Variants in RGL3 observed in about 807,000 individuals in gnomAD.
The protein encoded by RGL3 is ral guanine nucleotide dissociation stimulator-like 3.
In RGL3, 85 loss-of-function variants were observed where a neutral mutation model predicts 90.6. That is an observed-to-expected ratio of 0.94 (90% CI 0.79 to 1.12). The LOEUF is 1.12. Ranked by LOEUF, RGL3 falls within the 50% of genes most tolerant of loss-of-function variation. The pLI is 0.00. For synonymous variants in RGL3, 408 were observed against 385.5 expected (o/e 1.06, Z -0.68); for missense variants, 1,034 against 939.2 (o/e 1.10, Z -1.32).
intron 5 of RGL3, among the ~76,000 whole-genome samples, chr19:11,414,419 TTA>T (rs1193477016): frequency 1.4e-4 from 13 of 92,642 alleles, no homozygotes; most frequent in African/African-American, 4.2e-4. Context: ...ATATATACCT[TTA>T]TATATATATA....
At chr19:11,409,408 G>A (rs1005749966) in intron 5 of RGL3, among the ~76,000 whole-genome samples, 1 of 152,098 alleles carries the variant, frequency 6.6e-6, no homozygotes, top group East Asian at 1.9e-4. Flanking sequence ...GTGAACCGGC[G>A]AGGCGGAGCT....
intron 5 of RGL3, among the ~76,000 whole-genome samples, chr19:11,407,976 C>A (rs1968811311): frequency 6.6e-6 from 1 of 151,766 alleles, no homozygotes; most frequent in African/African-American, 2.4e-5. Context: ...GTAAGCTGTG[C>A]CTTCTTTTTG....
At chr19:11,407,121 G>A (rs1394250606) in intron 5 of RGL3, among the ~76,000 whole-genome samples, 1 of 152,016 alleles carries the variant, frequency 6.6e-6, no homozygotes, top group Non-Finnish European at 1.5e-5. Context: ...GAGTAGCTGG[G>A]ATTACAGGCA....
In RGL3 at chr19:11,399,863, T is replaced by C; in HGVS notation, c.1738A>G (p.Ser580Gly). The C allele has an allele frequency of 6.7e-7, 1 of 1,495,656 alleles. No homozygotes were observed. Among genetic ancestry groups the C allele is most frequent in the South Asian group, 1.4e-5 (1 of 71,858 alleles). 92.6% of individuals were successfully genotyped at this position (1,495,656 alleles called of 1,614,324 possible). A position where few individuals can be genotyped will look rare whatever the true frequency, so the allele number is the denominator to read the frequency against. ...PPASPGPQGP[S>G]TKLPLSLDLP... ...ACAAGCCGTCTTGGTACCTTGGTGC[T>C]GGGGCCCTGGGGCCCTGGAGAGGCC... The change falls in exon 16 of 19, where the codon AGC (serine) becomes GGC (glycine). Residue 580 changes from serine (S) to glycine (G), a missense_variant. Physicochemically the swap from Ser to Gly is moderately conservative, Grantham distance 56 (BLOSUM62 0). Coordinates refer to ENST00000380456, the MANE Select transcript of RGL3 (RefSeq NM_001035223.4).
chr19:11,416,746 G>A (rs755070313), intron 3 of RGL3, 79 bp from the exon 4 acceptor site: 5 of 1,592,628 alleles, frequency 3.1e-6, no homozygotes, highest in Non-Finnish European at 4.3e-6. Context: ...TCTGGGAGGT[G>A]TTTCCAGGTT....
At chr19:11,412,765 G>C (rs1968895482) in intron 5 of RGL3, among the ~76,000 whole-genome samples, 1 of 151,788 alleles carries the variant, frequency 6.6e-6, no homozygotes, top group Admixed American at 6.6e-5. Flanking sequence ...AGGAGATCGA[G>C]ACCATCTTGG....
intron 15 of RGL3, 38 bp downstream of exon 15, chr19:11,400,002 C>T: frequency 2.5e-6 from 4 of 1,596,696 alleles, no homozygotes; most frequent in Non-Finnish European, 3.4e-6. Context: ...ACTCCTGATC[C>T]CATGATCCCC....
At chr19:11,415,551 C>T (rs1166171820) in intron 5 of RGL3, among the ~76,000 whole-genome samples, 2 of 152,112 alleles carry the variant, frequency 1.3e-5, no homozygotes, top group Admixed American at 1.3e-4. Context: ...TCTCGACTCA[C>T]CGCAACCTCC....
Position 11,406,468 on chromosome 19 carries a change from G to A in RGL3, c.947C>T (p.Ala316Val). ...LGSVLGAPGLAAPQRAQRLEK... is the reference protein window; with the variant it reads ...LGSVLGAPGLVAPQRAQRLEK... ...CAGCCGCTGCGCCCTCTGCGGGGCG[G>A]CCAAGCCCGGTGCTCCGAGCACGGA... Residue 316 changes from alanine (A) to valine (V), a missense_variant, in exon 7 of 19, where the codon GCC (alanine) becomes GTC (valine). By Grantham distance (64) the Ala-to-Val change is moderately conservative. Coordinates refer to ENST00000380456, the MANE Select transcript of RGL3 (RefSeq NM_001035223.4). 1 of 1,551,740 alleles carries A rather than the reference G, an allele frequency of 6.4e-7. No homozygotes were observed. Among genetic ancestry groups the A allele is most frequent in the African/African-American group, 1.4e-5 (1 of 73,838 alleles).
intron 5 of RGL3, among the ~76,000 whole-genome samples, chr19:11,414,390 T>C (rs1968941540): frequency 8.5e-6 from 1 of 117,566 alleles, no homozygotes; most frequent in Admixed American, 9.0e-5. Context: ...TATATACCTT[T>C]ATATATATAC....
intron 7 of RGL3, among the ~76,000 whole-genome samples, chr19:11,405,672 G>T (rs1968765565): frequency 6.7e-6 from 1 of 149,322 alleles, no homozygotes. Flanking sequence ...ACAGGCGCGC[G>T]CCATCATGCA....
intron 5 of RGL3, among the ~76,000 whole-genome samples, chr19:11,412,993 A>C (rs926479803): frequency 4.6e-5 from 7 of 151,870 alleles, no homozygotes; most frequent in Admixed American, 1.3e-4. Flanking sequence ...AAAATAAATA[A>C]AATAAAATAA....
intron 16 of RGL3, 24 bp downstream of exon 16, chr19:11,399,831 T>C: frequency 3.7e-6 from 5 of 1,343,110 alleles, no homozygotes; most frequent in Non-Finnish European, 5.1e-6. Flanking sequence ...CAGGCCCGCA[T>C]GCACACACAA....
In RGL3 at chr19:11,406,717, C is replaced by G. The variant is rs746470669; in HGVS notation, c.780+5G>C. On this transcript the variant is annotated splice_donor_5th_base_variant and intron_variant, in intron 6 of 18. Coordinates refer to ENST00000380456, the MANE Select transcript of RGL3 (RefSeq NM_001035223.4). Reference sequence around the variant, plus strand: ...GCTCATCCCGACCCTGTCCGGGATCCTCACCAAGTCTATGAGGGTCAGCTG... The same window carrying G: ...GCTCATCCCGACCCTGTCCGGGATCGTCACCAAGTCTATGAGGGTCAGCTG... The G allele has an allele frequency of 6.2e-7, 1 of 1,613,642 alleles. No individual in the cohort carries two copies. The highest frequency in any genetic ancestry group is 8.5e-7 in the Non-Finnish European group (1 of 1,179,928).
chr19:11,414,173 A>AT (rs1177115098), intron 5 of RGL3, among the ~76,000 whole-genome samples: 1 of 96,610 alleles, frequency 1.0e-5, no homozygotes, highest in African/African-American at 4.2e-5. Context: ...ATATATATAT[A>AT]TATACACCTA....
intron 9 of RGL3, among the ~76,000 whole-genome samples, chr19:11,403,711 A>T (rs1167634037): frequency 6.9e-6 from 1 of 144,912 alleles, no homozygotes; most frequent in Non-Finnish European, 1.5e-5. Flanking sequence ...ACCTTGGATG[A>T]GGGTAGGGAG....
At chr19:11,410,846 T>C (rs1452698956) in intron 5 of RGL3, among the ~76,000 whole-genome samples, 1 of 151,828 alleles carries the variant, frequency 6.6e-6, no homozygotes, top group Admixed American at 6.6e-5. Context: ...AAATGACCCA[T>C]TTTTTTTGCC....
chr19:11,406,469 C>A lies in RGL3; in HGVS notation c.946G>T (p.Ala316Ser). Residue 316 changes from alanine to serine, a missense_variant, in exon 7 of 19, where the codon GCC (alanine) becomes TCC (serine). Transcript: ENST00000380456. ...LGSVLGAPGL[A>S]APQRAQRLEK... ...AGCCGCTGCGCCCTCTGCGGGGCGG[C>A]CAAGCCCGGTGCTCCGAGCACGGAA... The A allele has an allele frequency of 6.4e-7, 1 of 1,552,306 alleles. No homozygotes were observed. The highest frequency in any genetic ancestry group is 8.7e-7 in the Non-Finnish European group (1 of 1,151,942).
chr19:11,409,142 C>A (rs1968831331), intron 5 of RGL3, among the ~76,000 whole-genome samples: 1 of 147,372 alleles, frequency 6.8e-6, no homozygotes, highest in Non-Finnish European at 1.5e-5. Context: ...CCACGGCACT[C>A]TAGCCTGGGT....
Sources: allele counts gnomAD v4.1 joint callset (sites outside exome capture counted in the v4.1 genomes callset), GRCh38; gene constraint gnomAD v4.1.1; transcripts MANE v1.5; gene names NCBI Gene and HGNC (gene_info 2026-07-23, HGNC 2026-07-21).